The following BCAS3 variants were observed in gnomAD, a reference collection of about 807,000 sequenced individuals.
BCAS3 encodes the protein BCAS3 microtubule associated cell migration factor, also known as BCAS4/BCAS3 fusion.
In BCAS3, 53 loss-of-function variants were observed where a neutral mutation model predicts 116.1. The observed-to-expected ratio is 0.46, with a 90% CI of 0.37 to 0.57. The LOEUF (loss-of-function observed/expected upper bound fraction) is 0.57, where lower values mean the gene tolerates loss of function less well. Among genes scored for constraint, BCAS3 ranks in the 20% least tolerant of loss-of-function variants. The pLI is 0.00. For missense variants in BCAS3, 917 were observed against 1,165.4 expected, an observed-to-expected ratio of 0.79 and a Z score of 3.10; for synonymous variants, 391 against 408.2, an observed-to-expected ratio of 0.96 and a Z score of 0.51.
chr17:60,817,916 G>A (rs556749465), intron 7 of BCAS3, among the ~76,000 whole-genome samples: 4 of 150,250 alleles, frequency 2.7e-5, no homozygotes, highest in East Asian at 2.0e-4. Context: ...GTGCAGTGGC[G>A]TGATCTTGGC....
At chr17:60,917,400 A>G (rs895230408) in intron 12 of BCAS3, among the ~76,000 whole-genome samples, 4 of 152,124 alleles carry the variant, frequency 2.6e-5, no homozygotes, top group African/African-American at 4.8e-5. Flanking sequence ...ACATAGTGCA[A>G]TCCTACAGTA....
chr17:61,214,923 A>G lies in BCAS3; in HGVS notation c.2425+130359A>G, dbSNP rs1257172234. 6.6e-6 allele frequency among the ~76,000 whole-genome samples: 1 copy of G among 152,174 alleles called. No individual in the cohort carries two copies. The highest frequency in any genetic ancestry group is 1.5e-5 in the Non-Finnish European group (1 of 68,034). ...TTGGTTTCACTGCAGAAAATTTACC[A>G]CTTGCATGTACTTACTGCATTGGTT... On this transcript the variant is annotated intron_variant, in intron 22 of 23. Transcript: ENST00000407086. This position sits in a 1 kb window ranked among gnomAD's most constrained non-coding sequence, Gnocchi z 4.4.
intron 22 of BCAS3, among the ~76,000 whole-genome samples, chr17:61,092,897 GTCTT>G (rs1252765697): frequency 3.8e-5 from 5 of 129,994 alleles, no homozygotes; most frequent in Non-Finnish European, 8.1e-5. Flanking sequence ...CTTTTGTCCA[GTCTT>G]TTTTTTTTTT....
At chr17:61,015,716 C>T in intron 15 of BCAS3, 35 bp from the exon 16 acceptor site, 1 of 1,609,644 alleles carries the variant, frequency 6.2e-7, no homozygotes, top group Non-Finnish European at 8.5e-7. Context: ...GAGAACCTTC[C>T]TCAGTGATGC....
At chr17:60,759,067 G>A (rs9747684) in intron 6 of BCAS3, among the ~76,000 whole-genome samples, 6,731 of 151,018 alleles carry the variant, frequency 0.045, 480 homozygotes, top group African/African-American at 0.15. Flanking sequence ...TCTGCCTCCC[G>A]GGTTCTATCG....
intron 19 of BCAS3, among the ~76,000 whole-genome samples, chr17:61,067,201 G>C (rs1216320634): frequency 1.4e-5 from 2 of 139,314 alleles, no homozygotes; most frequent in Admixed American, 7.5e-5. Context: ...TTATTATATA[G>C]GATTCAGACC....
intron 22 of BCAS3, among the ~76,000 whole-genome samples, chr17:61,264,482 A>C (rs1029826447): frequency 2.0e-5 from 3 of 151,160 alleles, no homozygotes; most frequent in Admixed American, 2.0e-4. Context: ...GATATTGGCT[A>C]ACTGCAACCT....
intron 6 of BCAS3, among the ~76,000 whole-genome samples, chr17:60,769,459 C>G (rs1485619102): frequency 1.3e-5 from 2 of 152,224 alleles, no homozygotes; most frequent in African/African-American, 4.8e-5. Context: ...GGCCTCATTT[C>G]TCTCCTTGGC....
At chr17:61,052,508 A>T (rs1411885273) in intron 19 of BCAS3, among the ~76,000 whole-genome samples, 2 of 152,182 alleles carry the variant, frequency 1.3e-5, no homozygotes, top group African/African-American at 4.8e-5. Context: ...GATTAGAAGT[A>T]AAAGCAACTA....
chr17:61,057,269 C>T (rs1434248719), intron 19 of BCAS3, among the ~76,000 whole-genome samples: 1 of 152,184 alleles, frequency 6.6e-6, no homozygotes, highest in African/African-American at 2.4e-5. Flanking sequence ...ATCAGGGAAA[C>T]CCTGTAGTTC....
chr17:61,277,152 A>T (rs974693806), intron 22 of BCAS3, among the ~76,000 whole-genome samples: 5 of 151,760 alleles, frequency 3.3e-5, no homozygotes, highest in Non-Finnish European at 7.4e-5. Context: ...TAGCCCTAGT[A>T]ACTCAAAAGG....
intron 22 of BCAS3, among the ~76,000 whole-genome samples, chr17:61,121,848 G>A (rs2075808185): frequency 6.6e-6 from 1 of 152,104 alleles, no homozygotes; most frequent in Admixed American, 6.5e-5. Flanking sequence ...CTCTGCCTCA[G>A]CCTCCCAAGT....
chr17:61,105,749 C>T lies in BCAS3; in HGVS notation c.2425+21185C>T, dbSNP rs1056665868. ...GCCTAAACCCACAGAATTCTTATAC[C>T]TCTTGCTTTAAGTGTTGGGAGAAAA... On this transcript the variant is annotated intron_variant, in intron 22 of 23. Transcript: ENST00000407086. The surrounding 1 kb of genome is among the most constrained non-coding windows in gnomAD (Gnocchi z 4.3). Among the ~76,000 whole-genome samples the T allele has an allele frequency of 6.8e-6, 1 of 146,104 alleles. No individual in the cohort carries two copies. The highest frequency in any genetic ancestry group is 1.5e-5 in the Non-Finnish European group (1 of 66,376).
chr17:61,314,277 C>T (rs2054558794), intron 22 of BCAS3, among the ~76,000 whole-genome samples: 1 of 152,208 alleles, frequency 6.6e-6, no homozygotes, highest in African/African-American at 2.4e-5. Context: ...CTTCCCTTTG[C>T]TCCCACAAAC....
chr17:60,987,132 GTTC>G (rs2063190027), intron 14 of BCAS3: 2 of 152,050 alleles, frequency 1.3e-5, no homozygotes, highest in South Asian at 4.1e-4. Context: ...TTGAAAATGA[GTTC>G]ACTGTAGGTA....
At chr17:60,906,156 T>A (rs569825262) in intron 11 of BCAS3, among the ~76,000 whole-genome samples, 30 of 152,332 alleles carry the variant, frequency 2.0e-4, no homozygotes, top group African/African-American at 7.0e-4. Flanking sequence ...GGGGGCTGAT[T>A]TTTATTTAAA....
At chr17:60,784,356 T>C (rs150377021) in intron 6 of BCAS3, among the ~76,000 whole-genome samples, 77 of 145,346 alleles carry the variant, frequency 5.3e-4, no homozygotes, top group Admixed American at 8.6e-4. Context: ...AGGAGGGCAG[T>C]GACACAATCT....
chr17:61,332,620 T>A lies in BCAS3; in HGVS notation c.2426-35707T>A, dbSNP rs562992575. 1.6e-4 allele frequency among the ~76,000 whole-genome samples: 25 copies of A among 152,310 alleles called. No homozygotes were observed. Among genetic ancestry groups the A allele is most frequent in the Admixed American group, 2.0e-4 (3 of 15,302 alleles). On this transcript the variant is annotated intron_variant, in intron 22 of 23. Coordinates refer to ENST00000407086, the MANE Select transcript of BCAS3 (RefSeq NM_017679.5). The surrounding 1 kb of genome is among the most constrained non-coding windows in gnomAD (Gnocchi z 5.4). ...ATTATCCCCATCTTTTATTATTATT[T>A]TTTTTTATTTTTTGAGATAGAGTCT...
chr17:60,771,370 C>T (rs1256921927), intron 6 of BCAS3, among the ~76,000 whole-genome samples: 1 of 152,042 alleles, frequency 6.6e-6, no homozygotes, highest in Non-Finnish European at 1.5e-5. Context: ...AAAAGCCGTT[C>T]TCCTACATTA....
Sources: allele counts gnomAD v4.1 joint callset (sites outside exome capture counted in the v4.1 genomes callset), GRCh38; gene constraint gnomAD v4.1.1; non-coding constraint Gnocchi (gnomAD v3.1); transcripts MANE v1.5; gene names NCBI Gene and HGNC (gene_info 2026-07-23, HGNC 2026-07-21).